Variants in PTPRM observed in about 807,000 individuals in gnomAD.
PTPRM encodes protein tyrosine phosphatase receptor type M, also known as receptor-type tyrosine-protein phosphatase mu.
A neutral mutation model predicts 186.7 loss-of-function variants in PTPRM; 47 were observed. The observed-to-expected ratio is 0.25, with a 90% CI of 0.20 to 0.32. PTPRM has a LOEUF of 0.32. PTPRM is among the 10% of genes least tolerant of loss of function. PTPRM has a pLI of 1.00. For synonymous variants in PTPRM, 668 were observed against 674.9 expected (o/e 0.99, Z 0.16); for missense variants, 1,494 against 1,865.0 (o/e 0.80, Z 3.66).
intron 13 of PTPRM, among the ~76,000 whole-genome samples, chr18:8,133,265 A>G (rs956578636): frequency 2.6e-5 from 4 of 152,176 alleles, no homozygotes; most frequent in Non-Finnish European, 4.4e-5. Context: ...AAACCACAGT[A>G]GACTCTCATC....
chr18:8,077,220 G>GT (rs2089871595), intron 9 of PTPRM, among the ~76,000 whole-genome samples: 1 of 152,058 alleles, frequency 6.6e-6, no homozygotes, highest in Non-Finnish European at 1.5e-5. Flanking sequence ...AAGCAGGTGT[G>GT]TTTTTTTAAG....
chr18:7,799,930 TC>T (rs1314520853), intron 2 of PTPRM, among the ~76,000 whole-genome samples: 1 of 152,182 alleles, frequency 6.6e-6, no homozygotes, highest in Non-Finnish European at 1.5e-5. Context: ...TTTACTAAGA[TC>T]CCTTTATGCT....
At chr18:8,322,237 C>T (rs2095350091) in intron 22 of PTPRM, among the ~76,000 whole-genome samples, 1 of 152,136 alleles carries the variant, frequency 6.6e-6, no homozygotes, top group Non-Finnish European at 1.5e-5. Flanking sequence ...ATACAGAGGA[C>T]ATATTATAAA....
rs189508312 is a variant in PTPRM, at chr18:8,233,571, G to A, written c.2301-10487G>A. On this transcript the variant is annotated intron_variant, in intron 14 of 32. Coordinates refer to ENST00000580170, the MANE Select transcript of PTPRM (RefSeq NM_001105244.2). ...ATTATGGATACCAGTTCATTACCAGGTATGTCTTTTACAAATATTTTCTCC... is the reference window on the plus strand; with the variant it reads ...ATTATGGATACCAGTTCATTACCAGATATGTCTTTTACAAATATTTTCTCC... Among the ~76,000 whole-genome samples, 240 of 152,202 alleles carry A rather than the reference G, an allele frequency of 1.6e-3. 1 individual carries two copies. Among genetic ancestry groups the A allele is most frequent in the African/African-American group, 5.4e-3 (225 of 41,522 alleles).
intron 1 of PTPRM, among the ~76,000 whole-genome samples, chr18:7,659,841 G>C (rs1327458444): frequency 6.6e-6 from 1 of 152,186 alleles, no homozygotes; most frequent in Non-Finnish European, 1.5e-5. Context: ...GCTTAATCTA[G>C]TGCAGAAGCC....
chr18:8,149,606 G>A (rs1417528906), intron 14 of PTPRM, among the ~76,000 whole-genome samples: 2 of 152,098 alleles, frequency 1.3e-5, no homozygotes, highest in Admixed American at 6.5e-5. Context: ...TATCCAATTT[G>A]CCAGTCTGTG....
At chr18:8,266,422 A>C (rs2094701811) in intron 19 of PTPRM, among the ~76,000 whole-genome samples, 1 of 151,494 alleles carries the variant, frequency 6.6e-6, no homozygotes, top group Non-Finnish European at 1.5e-5. Flanking sequence ...AAATGTTTTG[A>C]ATTACTTAAT....
At chr18:7,580,407 T>A (rs2036812693) in intron 1 of PTPRM, among the ~76,000 whole-genome samples, 1 of 152,208 alleles carries the variant, frequency 6.6e-6, no homozygotes, top group African/African-American at 2.4e-5. Flanking sequence ...TCTGCTAAGC[T>A]ATGCACTTAG....
chr18:8,301,955 C>T (rs1227249477), intron 20 of PTPRM, among the ~76,000 whole-genome samples: 1 of 152,184 alleles, frequency 6.6e-6, no homozygotes. Flanking sequence ...GTGGCCGGTA[C>T]AGCAGGGAAG....
At chr18:8,241,489 T>A (rs76698752) in intron 14 of PTPRM, among the ~76,000 whole-genome samples, 4,244 of 152,314 alleles carry the variant, frequency 0.028, 84 homozygotes, top group East Asian at 0.055. Context: ...CATGCTTTAT[T>A]TGGGCTGTGT....
intron 19 of PTPRM, among the ~76,000 whole-genome samples, chr18:8,286,661 T>C (rs961280287): frequency 2.6e-5 from 4 of 152,216 alleles, no homozygotes; most frequent in African/African-American, 9.6e-5. Flanking sequence ...TAACTTTGGG[T>C]TATAAAGTTC....
intron 1 of PTPRM, among the ~76,000 whole-genome samples, chr18:7,767,496 T>C (rs2042069650): frequency 6.6e-6 from 1 of 152,200 alleles, no homozygotes; most frequent in Non-Finnish European, 1.5e-5. Context: ...TGTAGAATGG[T>C]CACATAAGGT....
chr18:8,201,166 A>C (rs2093849809), intron 14 of PTPRM, among the ~76,000 whole-genome samples: 1 of 152,052 alleles, frequency 6.6e-6, no homozygotes, highest in Admixed American at 6.6e-5. Flanking sequence ...AAATACAAAA[A>C]TTAGCCAGGC....
At chr18:7,676,627 CTGTGTGTGTGTGTGTGTG>C (rs751900694) in intron 1 of PTPRM, among the ~76,000 whole-genome samples, 83 of 141,500 alleles carry the variant, frequency 5.9e-4, no homozygotes, top group Admixed American at 1.6e-3. Context: ...GAGATTCTAG[CTGTGTGTGTGTGTGTGTG>C]TGTGTGTGTG....
At chr18:8,232,589 T>C (rs1011780305) in intron 14 of PTPRM, among the ~76,000 whole-genome samples, 2 of 152,154 alleles carry the variant, frequency 1.3e-5, no homozygotes, top group African/African-American at 4.8e-5. Flanking sequence ...AGTGGTACGA[T>C]CTTGGCTCAC....
rs369836697 is a variant in PTPRM, at chr18:8,383,760, T to C, written c.3919-801T>C. Among the ~76,000 whole-genome samples the C allele has an allele frequency of 6.6e-5, 10 of 152,366 alleles. No homozygotes were observed. In the East Asian group the frequency reaches 1.5e-3, roughly 23 times the overall value. On this transcript the variant is annotated intron_variant, in intron 29 of 32. Transcript: ENST00000580170. The stretch of plus-strand genomic sequence containing the variant: ...ATAAAAATGCAACCCAACAATGTTA[T>C]CAGTTCCAAACCTTGTCACAAAATA...
At chr18:8,343,381 C>T in intron 22 of PTPRM, 42 bp from the exon 23 acceptor site, 1 of 1,585,212 alleles carries the variant, frequency 6.3e-7, no homozygotes, top group Non-Finnish European at 8.6e-7. Context: ...CCAGTTGAAA[C>T]TTACAACAAA....
At chr18:7,743,292 A>G (rs984016136) in intron 1 of PTPRM, among the ~76,000 whole-genome samples, 3 of 152,234 alleles carry the variant, frequency 2.0e-5, no homozygotes, top group African/African-American at 7.2e-5. Flanking sequence ...ATGTCGTGGA[A>G]TAATGTGTGT....
At chr18:8,248,105 C>T in intron 16 of PTPRM, 45 bp from the exon 17 acceptor site, 2 of 1,514,086 alleles carry the variant, frequency 1.3e-6, no homozygotes, top group Non-Finnish European at 1.8e-6. Flanking sequence ...ACTGTTCTTT[C>T]TCTTTTTACT....
Sources: gnomAD v4.1 joint callset for allele counts (sites outside exome capture counted in the v4.1 genomes callset) on GRCh38, gnomAD v4.1.1 for gene constraint, MANE v1.5 for transcripts, NCBI Gene and HGNC (gene_info 2026-07-23, HGNC 2026-07-21) for gene names.